The following PCCA variants were observed in gnomAD, a reference collection of about 807,000 sequenced individuals.
PCCA encodes propionyl-CoA carboxylase subunit alpha.
A neutral mutation model predicts 101.3 loss-of-function variants in PCCA; 74 were observed. That is an observed-to-expected ratio of 0.73 (90% CI 0.61 to 0.89). PCCA has a LOEUF of 0.89. PCCA is among the 40% of genes least tolerant of loss of function. The pLI is 0.00. For missense variants in PCCA, 891 were observed against 907.0 expected, an observed-to-expected ratio of 0.98 and a Z score of 0.23; for synonymous variants, 294 against 313.6, an observed-to-expected ratio of 0.94 and a Z score of 0.66.
At chr13:100,488,777 A>G (rs551992232) in intron 21 of PCCA, among the ~76,000 whole-genome samples, 1 of 152,078 alleles carries the variant, frequency 6.6e-6, no homozygotes, top group South Asian at 2.1e-4. Context: ...CTGCACTGCA[A>G]TCTGGGCAGC....
chr13:100,435,331 C>T (rs2079849824), intron 20 of PCCA, among the ~76,000 whole-genome samples: 1 of 152,186 alleles, frequency 6.6e-6, no homozygotes, highest in South Asian at 2.1e-4. Flanking sequence ...AGATCTACCT[C>T]TGTGATCCAA....
chr13:100,343,309 C>T (rs2071676695), intron 18 of PCCA, among the ~76,000 whole-genome samples: 1 of 151,828 alleles, frequency 6.6e-6, no homozygotes, highest in East Asian at 1.9e-4. Context: ...ATAAGATGCT[C>T]AGCATCATCG....
intron 6 of PCCA, among the ~76,000 whole-genome samples, chr13:100,208,641 T>G (rs552690251): frequency 6.6e-6 from 1 of 152,336 alleles, no homozygotes; most frequent in South Asian, 2.1e-4. Context: ...CACTAGCTTT[T>G]TTTTTTAAAT....
At chr13:100,122,410 A>G (rs773077420) in intron 4 of PCCA, among the ~76,000 whole-genome samples, 22 of 151,970 alleles carry the variant, frequency 1.4e-4, no homozygotes, top group Non-Finnish European at 2.8e-4. Flanking sequence ...ATTGGTATTA[A>G]CTTTTCTTTA....
chr13:100,100,476 G>C lies in PCCA; in HGVS notation c.106-2407G>C, dbSNP rs1015666404. Among the ~76,000 whole-genome samples, 4 of 152,318 alleles carry C rather than the reference G, an allele frequency of 2.6e-5. No homozygotes were observed. In the East Asian group the frequency reaches 5.8e-4, roughly 22 times the overall value. ...CCTTACAAAGAATTTTGGACTGGGC[G>C]TGTAGCCAGTTTGTTACATGCTTAA... On this transcript the variant is annotated intron_variant, in intron 1 of 23. Coordinates refer to ENST00000376285, the MANE Select transcript of PCCA (RefSeq NM_000282.4).
At chr13:100,428,441 G>A (rs2079324084) in intron 20 of PCCA, among the ~76,000 whole-genome samples, 1 of 151,026 alleles carries the variant, frequency 6.6e-6, no homozygotes, top group African/African-American at 2.4e-5. Context: ...ATTGCAGGAT[G>A]CTGAGGCAAG....
chr13:100,422,094 C>G (rs1439782079), intron 19 of PCCA, among the ~76,000 whole-genome samples: 1 of 132,080 alleles, frequency 7.6e-6, no homozygotes, highest in Admixed American at 7.6e-5. Context: ...TTCTTTCTTT[C>G]TTTCTTTCTT....
intron 19 of PCCA, among the ~76,000 whole-genome samples, chr13:100,401,319 C>A (rs1366580614): frequency 6.6e-6 from 1 of 152,118 alleles, no homozygotes; most frequent in Admixed American, 6.5e-5. Context: ...TCTTGACTCA[C>A]CACAACCTCT....
At chr13:100,101,781 T>G (rs529831123) in intron 1 of PCCA, among the ~76,000 whole-genome samples, 67 of 152,090 alleles carry the variant, frequency 4.4e-4, no homozygotes, top group African/African-American at 1.4e-3. Context: ...GTGTGTGTTT[T>G]TAGTAGAGAC....
chr13:100,401,222 C>G (rs2077343647), intron 19 of PCCA, among the ~76,000 whole-genome samples: 1 of 151,878 alleles, frequency 6.6e-6, no homozygotes, highest in East Asian at 1.9e-4. Flanking sequence ...AACACTTTAA[C>G]TGTTTTTTTG....
chr13:100,473,668 C>T (rs776016605), intron 21 of PCCA, among the ~76,000 whole-genome samples: 2 of 152,156 alleles, frequency 1.3e-5, no homozygotes, highest in African/African-American at 2.4e-5. Context: ...AATGAAAGGT[C>T]GGGGTCGGTG....
At chr13:100,300,567 G>A (rs2152682603) in intron 12 of PCCA, among the ~76,000 whole-genome samples, 1 of 152,258 alleles carries the variant, frequency 6.6e-6, no homozygotes, top group Admixed American at 6.5e-5. Flanking sequence ...AGAAAAAAAT[G>A]ACATCAAAGC....
chr13:100,436,105 G>A (rs925298481), intron 20 of PCCA, among the ~76,000 whole-genome samples: 4 of 151,948 alleles, frequency 2.6e-5, no homozygotes, highest in Non-Finnish European at 5.9e-5. Context: ...GTGTGGGAGC[G>A]AGCCTGAGCA....
At chr13:100,482,416 G>A (rs527833134) in intron 21 of PCCA, among the ~76,000 whole-genome samples, 2 of 152,180 alleles carry the variant, frequency 1.3e-5, no homozygotes, top group South Asian at 2.1e-4. Context: ...AGGGCAAAGC[G>A]AGATCAGGGG....
intron 12 of PCCA, among the ~76,000 whole-genome samples, chr13:100,296,751 TC>T (rs1297093493): frequency 2.0e-5 from 3 of 152,240 alleles, no homozygotes; most frequent in African/African-American, 7.2e-5. Context: ...TGTCTGTACT[TC>T]CTAAAAACAA....
chr13:100,381,388 CAAA>C (rs984112724), intron 19 of PCCA, among the ~76,000 whole-genome samples: 4 of 61,430 alleles, frequency 6.5e-5, no homozygotes, highest in Non-Finnish European at 1.0e-4. Context: ...GACTCCGTCT[CAAA>C]AAAAAAAAAA....
chr13:100,332,611 T>G (rs1269533129), intron 17 of PCCA, among the ~76,000 whole-genome samples: 1 of 152,222 alleles, frequency 6.6e-6, no homozygotes, highest in Non-Finnish European at 1.5e-5. Flanking sequence ...TTAAATTTTC[T>G]AATCAGAGTT....
chr13:100,527,755 G>C lies in PCCA; in HGVS notation c.2118+3G>C, dbSNP rs558389617. 220 of 1,603,486 alleles carry C rather than the reference G, an allele frequency of 1.4e-4. No homozygotes were observed. Among genetic ancestry groups the C allele is most frequent in the Non-Finnish European group, 1.5e-4 (181 of 1,170,994 alleles). Reference sequence around the variant, plus strand: ...TGACAGCTGGGAAAACTGGCACGGTGAGTCCCTAAGTCCCCATCAGCCCAG... The same window carrying C: ...TGACAGCTGGGAAAACTGGCACGGTCAGTCCCTAAGTCCCCATCAGCCCAG... On this transcript the variant is annotated splice_donor_region_variant and intron_variant, in intron 23 of 23. Coordinates refer to ENST00000376285, the MANE Select transcript of PCCA (RefSeq NM_000282.4).
chr13:100,433,968 T>C (rs2079744528), intron 20 of PCCA, among the ~76,000 whole-genome samples: 1 of 152,236 alleles, frequency 6.6e-6, no homozygotes, highest in Non-Finnish European at 1.5e-5. Flanking sequence ...TAATGAAGAA[T>C]GGGCAGCCGT....
Sources: gnomAD v4.1 joint callset for allele counts (sites outside exome capture counted in the v4.1 genomes callset) on GRCh38, gnomAD v4.1.1 for gene constraint, MANE v1.5 for transcripts, NCBI Gene and HGNC (gene_info 2026-07-23, HGNC 2026-07-21) for gene names.